The following ANO2 variants were observed in gnomAD, a reference collection of about 807,000 sequenced individuals.
The protein encoded by ANO2 is anoctamin 2.
In ANO2, 101 loss-of-function variants were observed where a neutral mutation model predicts 124.2. The observed-to-expected ratio is 0.81, with a 90% CI of 0.69 to 0.96. The LOEUF (loss-of-function observed/expected upper bound fraction) is 0.96. Among genes scored for constraint, ANO2 ranks in the 40% least tolerant of loss-of-function variants. The probability of loss-of-function intolerance (pLI) is 0.00; values close to 1 mark genes in which losing one functional copy is unlikely to be tolerated. For synonymous variants in ANO2, 486 were observed against 482.5 expected, an observed-to-expected ratio of 1.01 and a Z score of -0.09; for missense variants, 1,293 against 1,274.5, an observed-to-expected ratio of 1.01 and a Z score of -0.22.
intron 9 of ANO2, among the ~76,000 whole-genome samples, chr12:5,803,958 T>C (rs1434153313): frequency 6.6e-6 from 1 of 151,726 alleles, no homozygotes; most frequent in Admixed American, 6.6e-5. Context: ...TAAGGAAGAG[T>C]GAAGGAGAAC....
Position 5,709,599 on chromosome 12 carries a change from G to A in ANO2, c.1545+22921C>T, listed in dbSNP as rs1431173265. 2.0e-5 allele frequency among the ~76,000 whole-genome samples: 3 copies of A among 152,172 alleles called. No homozygotes were observed. In the East Asian group the frequency reaches 5.8e-4, roughly 29 times the overall value. ...CTTCCAGGTAAGCCACGGGAAGCAG[G>A]AATCTTCCTCCTTGGCATCCTCGCC... On this transcript the variant is annotated intron_variant, in intron 14 of 24. Coordinates refer to ENST00000682330, the MANE Select transcript of ANO2 (RefSeq NM_001364791.2).
chr12:5,866,851 G>C (rs1299571776), intron 3 of ANO2, among the ~76,000 whole-genome samples: 1 of 152,256 alleles, frequency 6.6e-6, no homozygotes, highest in Non-Finnish European at 1.5e-5. Flanking sequence ...GATAAAAGAT[G>C]AGAGAGTCCG....
At chr12:5,906,921 T>C (rs1940743198) in intron 3 of ANO2, among the ~76,000 whole-genome samples, 1 of 152,232 alleles carries the variant, frequency 6.6e-6, no homozygotes, top group Non-Finnish European at 1.5e-5. Flanking sequence ...GAAGGTGTAC[T>C]AGGTGCTTTG....
chr12:5,752,534 T>G (rs1951469037), intron 10 of ANO2, among the ~76,000 whole-genome samples: 1 of 152,214 alleles, frequency 6.6e-6, no homozygotes, highest in African/African-American at 2.4e-5. Context: ...TTAGGTCCTT[T>G]ACTTAATTTT....
At chr12:5,831,032 G>C (rs190390744) in intron 5 of ANO2, among the ~76,000 whole-genome samples, 7 of 152,298 alleles carry the variant, frequency 4.6e-5, no homozygotes, top group South Asian at 4.1e-4. Context: ...TCATCCATTA[G>C]AAAAATCTTA....
At chr12:5,755,284 C>T (rs992991265) in intron 10 of ANO2, among the ~76,000 whole-genome samples, 1 of 151,644 alleles carries the variant, frequency 6.6e-6, no homozygotes, top group Non-Finnish European at 1.5e-5. Context: ...TAATGGTTCC[C>T]TTGTTTGTGA....
At chr12:5,786,352 C>A (rs910768393) in intron 10 of ANO2, among the ~76,000 whole-genome samples, 8 of 152,168 alleles carry the variant, frequency 5.3e-5, no homozygotes, top group African/African-American at 1.9e-4. Flanking sequence ...CCTCTGACCC[C>A]ACACATCCTT....
chr12:5,939,688 T>C (rs993077028), intron 1 of ANO2, among the ~76,000 whole-genome samples: 3 of 152,226 alleles, frequency 2.0e-5, no homozygotes, highest in Admixed American at 6.5e-5. Flanking sequence ...ATTCCTGTTT[T>C]CCGAAAGGTA....
intron 7 of ANO2, among the ~76,000 whole-genome samples, chr12:5,811,487 T>C (rs1953388823): frequency 6.6e-6 from 1 of 152,152 alleles, no homozygotes; most frequent in Non-Finnish European, 1.5e-5. Flanking sequence ...GTCTCCTGAT[T>C]GGGGAGGGGA....
intron 3 of ANO2, among the ~76,000 whole-genome samples, chr12:5,913,506 G>A (rs911594213): frequency 3.3e-5 from 5 of 152,212 alleles, no homozygotes; most frequent in South Asian, 2.1e-4. Context: ...CTTTGAATAC[G>A]TAACTGCTGA....
chr12:5,631,668 A>G (rs1945725481), intron 16 of ANO2, among the ~76,000 whole-genome samples: 1 of 152,156 alleles, frequency 6.6e-6, no homozygotes, highest in African/African-American at 2.4e-5. Flanking sequence ...CCAGAAGAGG[A>G]TTTACAAAGG....
chr12:5,853,794 T>G (rs1954997123), intron 4 of ANO2, among the ~76,000 whole-genome samples: 1 of 151,674 alleles, frequency 6.6e-6, no homozygotes, highest in African/African-American at 2.4e-5. Flanking sequence ...ACAGGGACAA[T>G]GTGTTGCTTC....
chr12:5,914,464 A>G (rs141520559), intron 3 of ANO2, among the ~76,000 whole-genome samples: 233 of 152,298 alleles, frequency 1.5e-3, no homozygotes, highest in African/African-American at 5.1e-3. Flanking sequence ...TCCTGGATTC[A>G]CACCTGATAC....
At chr12:5,729,239 G>T (rs956952879) in intron 14 of ANO2, among the ~76,000 whole-genome samples, 1 of 151,904 alleles carries the variant, frequency 6.6e-6, no homozygotes, top group Non-Finnish European at 1.5e-5. Flanking sequence ...AATATATAAA[G>T]AATTTCTTAT....
chr12:5,811,358 C>T (rs146690726), intron 7 of ANO2, among the ~76,000 whole-genome samples: 120 of 152,316 alleles, frequency 7.9e-4, no homozygotes, highest in Non-Finnish European at 8.1e-4. Context: ...TACTTAAATG[C>T]CTTTAATCCC....
chr12:5,673,914 C>T (rs986838297), intron 14 of ANO2, among the ~76,000 whole-genome samples: 1 of 152,144 alleles, frequency 6.6e-6, no homozygotes, highest in Non-Finnish European at 1.5e-5. Context: ...CAAGGGAGGT[C>T]AAGAGACAGG....
chr12:5,736,623 C>T (rs1187969300), intron 13 of ANO2, among the ~76,000 whole-genome samples: 1 of 152,140 alleles, frequency 6.6e-6, no homozygotes, highest in African/African-American at 2.4e-5. Context: ...CATATAAGTC[C>T]TAGGACCCTT....
chr12:5,837,625 C>T (rs568857877), intron 4 of ANO2, among the ~76,000 whole-genome samples: 5 of 151,640 alleles, frequency 3.3e-5, no homozygotes, highest in African/African-American at 9.7e-5. Context: ...TGGTACATGA[C>T]GAAATGAAGG....
intron 16 of ANO2, among the ~76,000 whole-genome samples, chr12:5,621,690 T>G (rs1432435343): frequency 6.6e-6 from 1 of 152,028 alleles, no homozygotes; most frequent in African/African-American, 2.4e-5. Flanking sequence ...GGATTCACTC[T>G]TGGGGGACTG....
Sources: allele counts gnomAD v4.1 joint callset (sites outside exome capture counted in the v4.1 genomes callset), GRCh38; gene constraint gnomAD v4.1.1; transcripts MANE v1.5; gene names NCBI Gene and HGNC (gene_info 2026-07-23, HGNC 2026-07-21).